Variants in VPS37A observed in about 807,000 individuals in gnomAD.
VPS37A encodes the protein vacuolar protein sorting-associated protein 37A.
A neutral mutation model predicts 49.8 loss-of-function variants in VPS37A; 30 were observed. That is an observed-to-expected ratio of 0.60 (90% CI 0.45 to 0.82). VPS37A has a LOEUF of 0.82. VPS37A is among the 40% of genes least tolerant of loss of function. The pLI, the probability that VPS37A is intolerant of heterozygous loss-of-function variation, is 0.00. For missense variants in VPS37A, 593 were observed against 464.4 expected, an observed-to-expected ratio of 1.28 and a Z score of -2.55; for synonymous variants, 195 against 160.6, an observed-to-expected ratio of 1.21 and a Z score of -1.62.
At chr8:17,293,123 A>C (rs954572533) in intron 11 of VPS37A, among the ~76,000 whole-genome samples, 15 of 151,696 alleles carry the variant, frequency 9.9e-5, no homozygotes, top group African/African-American at 3.2e-4. Flanking sequence ...ACATAGTCCC[A>C]TGTTTCTTGG....
chr8:17,248,317 C>T (rs1251130558), intron 1 of VPS37A: 4 of 447,714 alleles, frequency 8.9e-6, no homozygotes, highest in Non-Finnish European at 1.3e-5. Flanking sequence ...CAGGCTGGAG[C>T]GCAGTGGCGC....
chr8:17,327,330 G>A, the VPS37A span, among the ~76,000 whole-genome samples: 1 of 152,156 alleles, frequency 6.6e-6, no homozygotes, highest in Non-Finnish European at 1.5e-5. Flanking sequence ...GAGTCCAGTG[G>A]CACGATCATG....
chr8:17,310,912 T>C, the VPS37A span, among the ~76,000 whole-genome samples: 5 of 152,290 alleles, frequency 3.3e-5, no homozygotes, highest in African/African-American at 9.6e-5. Flanking sequence ...CAGGCAACTA[T>C]ATACAATACT....
At chr8:17,250,364 G>T (rs1260600362) in intron 1 of VPS37A, among the ~76,000 whole-genome samples, 2 of 152,126 alleles carry the variant, frequency 1.3e-5, no homozygotes, top group South Asian at 2.1e-4. Context: ...AAAGATTTTT[G>T]TGCGAACAGA....
chr8:17,309,962 T>G, the VPS37A span, among the ~76,000 whole-genome samples: 693 of 152,296 alleles, frequency 4.6e-3, 8 homozygotes, highest in African/African-American at 0.015. Context: ...TTATTATTTT[T>G]AAGTATTTAT....
intron 5 of VPS37A, among the ~76,000 whole-genome samples, chr8:17,275,844 G>A (rs550278877): frequency 1.3e-5 from 2 of 152,028 alleles, no homozygotes; most frequent in Admixed American, 1.3e-4. Context: ...AAGTGGACTT[G>A]GTTTTTCCAA....
At chr8:17,329,095 G>A in the VPS37A span, among the ~76,000 whole-genome samples, 1 of 152,164 alleles carries the variant, frequency 6.6e-6, no homozygotes, top group African/African-American at 2.4e-5. Flanking sequence ...CATAACAGTA[G>A]TAAAAAATAA....
downstream of VPS37A, among the ~76,000 whole-genome samples, chr8:17,303,236 C>T (rs529356583): frequency 1.2e-4 from 18 of 152,008 alleles, no homozygotes; most frequent in Non-Finnish European, 8.8e-5. Context: ...AGTTGCAATC[C>T]AACTGGTCAT....
At chr8:17,279,104 CT>C (rs1378451185) in intron 6 of VPS37A, among the ~76,000 whole-genome samples, 8 of 152,214 alleles carry the variant, frequency 5.3e-5, no homozygotes, top group African/African-American at 1.7e-4. Flanking sequence ...ATAACTCTTA[CT>C]GTGACAGCCA....
chr8:17,282,337 C>G (rs1815141121), intron 9 of VPS37A, among the ~76,000 whole-genome samples: 1 of 151,952 alleles, frequency 6.6e-6, no homozygotes, highest in Non-Finnish European at 1.5e-5. Context: ...TTGTATCATA[C>G]AATACACAGA....
At chr8:17,332,953 A>G in the VPS37A span, among the ~76,000 whole-genome samples, 1 of 152,208 alleles carries the variant, frequency 6.6e-6, no homozygotes, top group African/African-American at 2.4e-5. Flanking sequence ...ACTACTTTGG[A>G]TGCCCCTGTA....
At chr8:17,302,174 C>A, downstream of VPS37A, 1 of 1,614,134 alleles carries the variant, frequency 6.2e-7, no homozygotes, top group Non-Finnish European at 8.5e-7. Context: ...GCCTCTAGTT[C>A]TTCCTCTAGC....
At chr8:17,331,782 A>G in the VPS37A span, among the ~76,000 whole-genome samples, 1 of 152,246 alleles carries the variant, frequency 6.6e-6, no homozygotes, top group Admixed American at 6.5e-5. Flanking sequence ...GATCCCTCAG[A>G]TGCCCAGTTA....
intron 1 of VPS37A, among the ~76,000 whole-genome samples, chr8:17,251,910 A>G (rs1812016081): frequency 6.6e-6 from 1 of 152,098 alleles, no homozygotes; most frequent in Admixed American, 6.6e-5. Context: ...TGCTAAGCTT[A>G]ACGTTTTGAT....
rs554862841 is a variant in VPS37A at position 17,250,603 on chromosome 8, C to G, written c.125+3234C>G. ...CTTTTCTTCTGCTCTACTGAGTAAC[C>G]TTTCTCTACCCCATTCTGTCATCTC... On this transcript the variant is annotated intron_variant, in intron 1 of 11. Transcript: ENST00000324849. Among the ~76,000 whole-genome samples the G allele has an allele frequency of 2.0e-5, 3 of 152,224 alleles. No homozygotes were observed. In the East Asian group the frequency reaches 5.8e-4, roughly 29 times the overall value.
In VPS37A at chr8:17,268,347, A is replaced by T; in HGVS notation, c.290A>T (p.Tyr97Phe). ...CACTTAATGGATAAACAAGGAGTGT[A>T]TGTTACCTCTCCATTAGTAAACAAT... Reference protein sequence around the residue: ...RHHLMDKQGVYVTSPLVNNFT... With the variant: ...RHHLMDKQGVFVTSPLVNNFT... Residue 97 changes from tyrosine to phenylalanine, a missense_variant, in exon 3 of 12, where the codon TAT (tyrosine) becomes TTT (phenylalanine). Tyr to Phe is a conservative substitution (Grantham distance 22). Coordinates refer to ENST00000324849, the MANE Select transcript of VPS37A (RefSeq NM_152415.3). 1 of 1,611,876 alleles carries T rather than the reference A, an allele frequency of 6.2e-7. No individual in the cohort carries two copies. The highest frequency in any genetic ancestry group is 8.5e-7 in the Non-Finnish European group (1 of 1,178,366).
the VPS37A span, among the ~76,000 whole-genome samples, chr8:17,308,403 T>C: frequency 6.6e-6 from 1 of 152,174 alleles, no homozygotes; most frequent in Non-Finnish European, 1.5e-5. Flanking sequence ...ATTCCTATGC[T>C]TTCCTGGAAA....
intron 6 of VPS37A, among the ~76,000 whole-genome samples, chr8:17,277,308 C>A (rs1046250540): frequency 6.6e-6 from 1 of 152,060 alleles, no homozygotes; most frequent in East Asian, 1.9e-4. Flanking sequence ...GGTTAATATG[C>A]ATTGTAATGC....
chr8:17,281,973 A>C (rs1815099130), intron 9 of VPS37A, among the ~76,000 whole-genome samples: 1 of 152,070 alleles, frequency 6.6e-6, no homozygotes, highest in African/African-American at 2.4e-5. Context: ...TTCTCCCCAA[A>C]ATAACTTAGA....
Sources: gnomAD v4.1 joint callset for allele counts (sites outside exome capture counted in the v4.1 genomes callset) on GRCh38, gnomAD v4.1.1 for gene constraint, MANE v1.5 for transcripts, NCBI Gene and HGNC (gene_info 2026-07-23, HGNC 2026-07-21) for gene names.